H6PD: variants seen among roughly 807,000 people sequenced by gnomAD.
The protein encoded by H6PD is hexose-6-phosphate dehydrogenase/glucose 1-dehydrogenase.
A neutral mutation model predicts 61.2 loss-of-function variants in H6PD; 48 were observed. The observed-to-expected ratio is 0.78, with a 90% CI of 0.62 to 1.00. The LOEUF is 1.00. H6PD is among the 50% of genes least tolerant of loss of function. H6PD has a pLI of 0.00. For missense variants in H6PD, 1,093 were observed against 1,065.0 expected, an observed-to-expected ratio of 1.03 and a Z score of -0.37; for synonymous variants, 480 against 457.9, an observed-to-expected ratio of 1.05 and a Z score of -0.62.
intron 3 of H6PD, among the ~76,000 whole-genome samples, chr1:9,259,723 A>G (rs1034252529): frequency 2.0e-5 from 3 of 150,326 alleles, no homozygotes; most frequent in Non-Finnish European, 4.4e-5. Context: ...CAGTGTTGTT[A>G]TATTGTTGTT....
chr1:9,250,675 C>T (rs1026871548), intron 3 of H6PD, among the ~76,000 whole-genome samples: 2 of 152,168 alleles, frequency 1.3e-5, no homozygotes, highest in African/African-American at 2.4e-5. Flanking sequence ...CCTGCGTAAC[C>T]GAAGCCAGCA....
At chr1:9,263,200 C>T (rs1039119216) in intron 4 of H6PD, among the ~76,000 whole-genome samples, 4 of 152,290 alleles carry the variant, frequency 2.6e-5, no homozygotes, top group East Asian at 3.9e-4. Context: ...CACTGTGGGG[C>T]GTCCTTTAGA....
chr1:9,249,513 T>A (rs1641292146), intron 3 of H6PD, among the ~76,000 whole-genome samples: 3 of 152,114 alleles, frequency 2.0e-5, no homozygotes, highest in African/African-American at 7.2e-5. Flanking sequence ...CTGCAGGGAC[T>A]AAAGGAGGCC....
chr1:9,235,410 CCT>C (rs1640824727), intron 1 of H6PD, among the ~76,000 whole-genome samples: 1 of 151,972 alleles, frequency 6.6e-6, no homozygotes. Flanking sequence ...CAGGGGCAAA[CCT>C]CTCTGGATCT....
At chr1:9,253,683 C>T (rs187178936) in intron 3 of H6PD, among the ~76,000 whole-genome samples, 1 of 152,334 alleles carries the variant, frequency 6.6e-6, no homozygotes, top group East Asian at 1.9e-4. Flanking sequence ...TTTATACCTC[C>T]AGCCGCCTTT....
At chr1:9,235,201 G>T (rs1035468076) in intron 1 of H6PD, 135 bp downstream of exon 1, 2 of 152,072 alleles carry the variant, frequency 1.3e-5, no homozygotes, top group Non-Finnish European at 2.9e-5. Flanking sequence ...GGCGGCTTTG[G>T]AACTGCTCAG....
At chr1:9,251,451 TTGTTG>T (rs1438485836) in intron 3 of H6PD, among the ~76,000 whole-genome samples, 4 of 151,392 alleles carry the variant, frequency 2.6e-5, no homozygotes, top group Non-Finnish European at 4.4e-5. Context: ...GTTGTTGTTG[TTGTTG>T]TTGTTGTTGT....
intron 1 of H6PD, chr1:9,242,883 G>A (rs56108736): frequency 1.8e-5 from 18 of 985,206 alleles, no homozygotes; most frequent in East Asian, 1.1e-4. Context: ...CTCTCCAGAC[G>A]AGCGATTGCC....
chr1:9,247,036 A>G lies in H6PD; in HGVS notation c.698A>G (p.His233Arg), dbSNP rs781107206. 1 of 1,613,926 alleles carries G rather than the reference A, an allele frequency of 6.2e-7. No individual in the cohort carries two copies. Among genetic ancestry groups the G allele is most frequent in the South Asian group, 1.1e-5 (1 of 91,066 alleles). The change falls in exon 3 of 5, where the codon CAT (histidine) becomes CGT (arginine). Residue 233 changes from histidine to arginine, a missense_variant. Transcript: ENST00000377403. ...TTGGACGGCCTCTGGAACCGGCACCATGTGGAGCGGGTGGAGATCATCATG... is the reference window on the plus strand; with the variant it reads ...TTGGACGGCCTCTGGAACCGGCACCGTGTGGAGCGGGTGGAGATCATCATG... ...KALDGLWNRH[H>R]VERVEIIMKE...
At chr1:9,239,696 C>G (rs944604433) in intron 1 of H6PD, 5 of 336,428 alleles carry the variant, frequency 1.5e-5, no homozygotes, top group Non-Finnish European at 2.7e-5. Context: ...GAAAATTTCC[C>G]TTCCTCCTGC....
In H6PD at chr1:9,270,377, T is replaced by A. The variant is rs568202231; in HGVS notation, c.*5508T>A. The A allele has an allele frequency of 1.3e-5, 2 of 152,400 alleles. No homozygotes were observed. Among genetic ancestry groups the A allele is most frequent in the East Asian group, 3.9e-4 (2 of 5,182 alleles). The allele number at this position is 152,400 out of a possible 1,614,324, so 9.4% of individuals were successfully genotyped here. The stretch of plus-strand genomic sequence containing the variant: ...ACTTGTGTCGCTTTGGGTCCTTCAC[T>A]TTACCCCCACAGAAGTCTAGAGGCG... On this transcript the variant is annotated 3_prime_UTR_variant, in exon 5 of 5. Transcript: ENST00000377403.
At position 9,263,659 on chromosome 1, in the gene H6PD, C is replaced by T. The variant is rs759086163; in HGVS notation, c.1166C>T (p.Ala389Val). Residue 389 changes from alanine (A) to valine (V), a missense_variant, in exon 5 of 5, where the codon GCG becomes GTG. Coordinates refer to ENST00000377403, the MANE Select transcript of H6PD (RefSeq NM_004285.4). ...CVQSEKHWAAAQSQCLPRQLV... is the reference protein window; with the variant it reads ...CVQSEKHWAAVQSQCLPRQLV... Reference sequence around the variant, plus strand: ...CAGAGCGAAAAGCACTGGGCCGCGGCGCAGAGCCAGTGCCTGCCCCGGCAG... The same window carrying T: ...CAGAGCGAAAAGCACTGGGCCGCGGTGCAGAGCCAGTGCCTGCCCCGGCAG... 3.3e-5 allele frequency: 53 copies of T among 1,614,008 alleles called. No individual in the cohort carries two copies. Among genetic ancestry groups the T allele is most frequent in the Middle Eastern group, 3.3e-4 (2 of 6,084 alleles).
At chr1:9,237,888 C>T (rs561198981) in intron 1 of H6PD, among the ~76,000 whole-genome samples, 28 of 152,270 alleles carry the variant, frequency 1.8e-4, no homozygotes, top group Non-Finnish European at 1.5e-4. Context: ...GTATGCCAGG[C>T]CTTGTTTTGG....
At chr1:9,248,694 G>A (rs530851809) in intron 3 of H6PD, among the ~76,000 whole-genome samples, 1 of 151,568 alleles carries the variant, frequency 6.6e-6, no homozygotes, top group Non-Finnish European at 1.5e-5. Context: ...GGGACAATGT[G>A]GGGGGTGGGC....
Position 9,254,126 on chromosome 1 carries a change from C to T in H6PD, c.745+7043C>T, listed in dbSNP as rs555562492. ...ATCCCAGCACTTTGGGAGGCCGAGA[C>T]GGGTGGATCACTTGAGGTCAGGCGT... On this transcript the variant is annotated intron_variant, in intron 3 of 4. Coordinates refer to ENST00000377403, the MANE Select transcript of H6PD (RefSeq NM_004285.4). The surrounding 1 kb of genome is among the most constrained non-coding windows in gnomAD (Gnocchi z 4.6). Among the ~76,000 whole-genome samples, 75 of 152,246 alleles carry T rather than the reference C, an allele frequency of 4.9e-4. No individual in the cohort carries two copies. The highest frequency in any genetic ancestry group is 1.7e-3 in the African/African-American group (71 of 41,546).
In H6PD at chr1:9,264,064, A is replaced by G; in HGVS notation, c.1571A>G (p.Gln524Arg). The G allele has an allele frequency of 6.2e-7, 1 of 1,614,048 alleles. No individual in the cohort carries two copies. The highest frequency in any genetic ancestry group is 8.5e-7 in the Non-Finnish European group (1 of 1,180,002). ...EFSSGRLFFSQQQPEQLVPGP... is the reference protein window; with the variant it reads ...EFSSGRLFFSRQQPEQLVPGP... ...AGTAGCGGCCGGTTGTTCTTTTCCC[A>G]GCAGCAGCCGGAGCAGCTGGTGCCA... is the stretch of plus-strand genomic sequence containing the variant. The change falls in exon 5 of 5, where the codon CAG becomes CGG. Residue 524 changes from glutamine (Q) to arginine (R), a missense_variant. Transcript: ENST00000377403.
chr1:9,238,234 T>G (rs1346652781), intron 1 of H6PD, among the ~76,000 whole-genome samples: 1 of 152,152 alleles, frequency 6.6e-6, no homozygotes. Flanking sequence ...GGCAGGAGGC[T>G]GGGCGGCCAG....
intron 3 of H6PD, among the ~76,000 whole-genome samples, chr1:9,249,890 CAG>C (rs1641305742): frequency 6.6e-6 from 1 of 152,228 alleles, no homozygotes; most frequent in Non-Finnish European, 1.5e-5. Flanking sequence ...GCCTTGGACA[CAG>C]GGTGCTTTGG....
intron 3 of H6PD, among the ~76,000 whole-genome samples, chr1:9,251,220 A>G (rs1472393349): frequency 2.0e-5 from 3 of 152,070 alleles, no homozygotes; most frequent in African/African-American, 4.8e-5. Context: ...CCATGTGATT[A>G]ATGGGCTGTG....
Sources: gnomAD v4.1 joint callset for allele counts (sites outside exome capture counted in the v4.1 genomes callset) on GRCh38, gnomAD v4.1.1 for gene constraint, Gnocchi (gnomAD v3.1) non-coding constraint, MANE v1.5 for transcripts, NCBI Gene and HGNC (gene_info 2026-07-23, HGNC 2026-07-21) for gene names.